AUTS2: variants seen among roughly 807,000 people sequenced by gnomAD.
The protein encoded by AUTS2 is autism susceptibility gene 2 protein.
In AUTS2, 17 loss-of-function variants were observed where a neutral mutation model predicts 112.4. The ratio of observed to expected loss-of-function variants is 0.15; its 90% confidence interval spans 0.10 to 0.23. The LOEUF (loss-of-function observed/expected upper bound fraction) is 0.23, where lower values mean the gene tolerates loss of function less well. AUTS2 is among the 10% of genes least tolerant of loss of function. The pLI, the probability that AUTS2 is intolerant of heterozygous loss-of-function variation, is 1.00. For missense variants in AUTS2, 1,510 were observed against 1,701.6 expected, an observed-to-expected ratio of 0.89 and a Z score of 1.98; for synonymous variants, 751 against 702.7, an observed-to-expected ratio of 1.07 and a Z score of -1.09.
chr7:70,463,809 A>G (rs1030683347), intron 5 of AUTS2, among the ~76,000 whole-genome samples: 1 of 152,226 alleles, frequency 6.6e-6, no homozygotes, highest in African/African-American at 2.4e-5. Flanking sequence ...GGAGGACACC[A>G]TGGAGAGGGA....
chr7:69,732,535 G>T (rs1334873691), intron 1 of AUTS2, among the ~76,000 whole-genome samples: 4 of 152,022 alleles, frequency 2.6e-5, no homozygotes. Flanking sequence ...TAGCCCACAG[G>T]TGTATTTATG....
At chr7:69,808,025 A>G (rs2129524399) in intron 1 of AUTS2, among the ~76,000 whole-genome samples, 1 of 147,612 alleles carries the variant, frequency 6.8e-6, no homozygotes, top group South Asian at 2.1e-4. Context: ...AGGTTCAAGC[A>G]GTTCTCCTAC....
At chr7:70,185,398 C>T (rs969426133) in intron 4 of AUTS2, among the ~76,000 whole-genome samples, 1 of 151,616 alleles carries the variant, frequency 6.6e-6, no homozygotes, top group African/African-American at 2.4e-5. Context: ...TGAGCCACCG[C>T]ACCTGGCCCC....
chr7:70,218,363 A>G (rs1811283867), intron 4 of AUTS2, among the ~76,000 whole-genome samples: 1 of 152,164 alleles, frequency 6.6e-6, no homozygotes, highest in African/African-American at 2.4e-5. Flanking sequence ...AGGAGAAAGG[A>G]AAGATTTAGA....
At chr7:70,780,706 A>G (rs1055205012) in intron 14 of AUTS2, among the ~76,000 whole-genome samples, 2 of 152,164 alleles carry the variant, frequency 1.3e-5, no homozygotes, top group Non-Finnish European at 1.5e-5. Flanking sequence ...AGGTAATTAC[A>G]GGTAGTAGGA....
chr7:70,735,218 A>AAGGACAATGGAGTCAGAAAT (rs1787709088), intron 6 of AUTS2, among the ~76,000 whole-genome samples: 1 of 152,192 alleles, frequency 6.6e-6, no homozygotes, highest in African/African-American at 2.4e-5. Context: ...GTTGTCCCCC[A>AAGGACAATGGAGTCAGAAAT]AGGCTGGGAG....
At chr7:69,862,841 C>T (rs2129533027) in intron 1 of AUTS2, among the ~76,000 whole-genome samples, 1 of 152,148 alleles carries the variant, frequency 6.6e-6, no homozygotes, top group East Asian at 1.9e-4. Context: ...GGGATTCTGT[C>T]TAAGATTATC....
intron 5 of AUTS2, among the ~76,000 whole-genome samples, chr7:70,580,190 A>G (rs1269955938): frequency 6.6e-6 from 1 of 151,884 alleles, no homozygotes; most frequent in Non-Finnish European, 1.5e-5. Flanking sequence ...AGACGGTTTC[A>G]CTCTTGCAAC....
intron 1 of AUTS2, among the ~76,000 whole-genome samples, chr7:69,756,254 C>T (rs1343476687): frequency 5.3e-5 from 8 of 152,208 alleles, no homozygotes; most frequent in South Asian, 2.1e-4. Context: ...TTAACAAAGG[C>T]GGAGAAGAAA....
chr7:70,007,408 T>A (rs1799593233), intron 2 of AUTS2, among the ~76,000 whole-genome samples: 1 of 151,940 alleles, frequency 6.6e-6, no homozygotes, highest in African/African-American at 2.4e-5. Flanking sequence ...TCCTTGTAGC[T>A]TTTTTTTAGA....
intron 4 of AUTS2, among the ~76,000 whole-genome samples, chr7:70,307,739 A>T (rs1789551295): frequency 6.6e-6 from 1 of 152,228 alleles, no homozygotes; most frequent in Admixed American, 6.5e-5. Flanking sequence ...GCCTTGCAGT[A>T]ATCAAGACTT....
At chr7:70,349,169 C>T (rs1371631619) in intron 4 of AUTS2, among the ~76,000 whole-genome samples, 1 of 152,128 alleles carries the variant, frequency 6.6e-6, no homozygotes, top group Non-Finnish European at 1.5e-5. Context: ...CCCAGACTTA[C>T]AGGCAGTCTG....
At chr7:69,830,489 AT>A (rs1285954558) in intron 1 of AUTS2, among the ~76,000 whole-genome samples, 1 of 152,180 alleles carries the variant, frequency 6.6e-6, no homozygotes, top group Admixed American at 6.5e-5. Flanking sequence ...TCCAACTTTA[AT>A]GGTTAATAAC....
chr7:70,689,648 T>C (rs958087493), intron 5 of AUTS2, among the ~76,000 whole-genome samples: 2 of 151,326 alleles, frequency 1.3e-5, no homozygotes, highest in African/African-American at 4.9e-5. Flanking sequence ...TGGTGGCGGG[T>C]GCCTGTAGTC....
At chr7:69,631,964 G>A (rs1229601568) in intron 1 of AUTS2, among the ~76,000 whole-genome samples, 1 of 152,096 alleles carries the variant, frequency 6.6e-6, no homozygotes, top group Admixed American at 6.5e-5. Flanking sequence ...TTGAATTCAT[G>A]TTTCAATGGG....
At chr7:69,713,781 C>T (rs1283472328) in intron 1 of AUTS2, among the ~76,000 whole-genome samples, 2 of 152,000 alleles carry the variant, frequency 1.3e-5, no homozygotes, top group African/African-American at 4.8e-5. Context: ...TTTACGTGTT[C>T]TTAATTGAGG....
intron 2 of AUTS2, among the ~76,000 whole-genome samples, chr7:70,068,772 C>A (rs1432671229): frequency 6.6e-6 from 1 of 152,206 alleles, no homozygotes; most frequent in African/African-American, 2.4e-5. Flanking sequence ...GTTTTCCTAG[C>A]AAAGCAGAGG....
At chr7:70,585,513 A>T (rs1469042633) in intron 5 of AUTS2, among the ~76,000 whole-genome samples, 2 of 152,204 alleles carry the variant, frequency 1.3e-5, no homozygotes, top group African/African-American at 4.8e-5. Flanking sequence ...GCCCTATCAG[A>T]TGTTGCAACG....
At chr7:70,041,731 C>A (rs1046938772) in intron 2 of AUTS2, among the ~76,000 whole-genome samples, 1 of 152,188 alleles carries the variant, frequency 6.6e-6, no homozygotes, top group Non-Finnish European at 1.5e-5. Flanking sequence ...CCCTAAGATT[C>A]TGTGATTCTA....
Sources: allele counts gnomAD v4.1 joint callset (sites outside exome capture counted in the v4.1 genomes callset), GRCh38; gene constraint gnomAD v4.1.1; transcripts MANE v1.5; gene names NCBI Gene and HGNC (gene_info 2026-07-23, HGNC 2026-07-21).